MAPRE2: variants seen among roughly 807,000 people sequenced by gnomAD.
The protein encoded by MAPRE2 is microtubule associated protein RP/EB family member 2, also known as microtubule-associated protein RP/EB family member 2.
A neutral mutation model predicts 43.2 loss-of-function variants in MAPRE2; 13 were observed. The ratio of observed to expected loss-of-function variants is 0.30; its 90% CI spans 0.20 to 0.48. MAPRE2 has a LOEUF of 0.48. Ranked by LOEUF, MAPRE2 falls within the 20% of genes least tolerant of loss-of-function variation. The probability of loss-of-function intolerance (pLI) is 0.99; values close to 1 mark genes in which losing one functional copy is unlikely to be tolerated. For synonymous variants in MAPRE2, 135 were observed against 148.8 expected (o/e 0.91, Z 0.68); for missense variants, 161 against 400.2 (o/e 0.40, Z 5.10).
Position 35,005,435 on chromosome 18 carries a change from T to G in MAPRE2, c.-69-57T>G, listed in dbSNP as rs1391243719. On this transcript the variant is annotated intron_variant, in intron 1 of 7. Coordinates refer to the MAPRE2 transcript ENST00000413393. ...ACTAAATTATAACTCTTTGCTTCCATATTTTCATCATATTAAATGCTTGCA... is the reference window on the plus strand; with the variant it reads ...ACTAAATTATAACTCTTTGCTTCCAGATTTTCATCATATTAAATGCTTGCA... 6 of 1,100,506 alleles carry G rather than the reference T, an allele frequency of 5.5e-6. No individual in the cohort carries two copies. In the East Asian group the frequency reaches 1.6e-4, roughly 29 times the overall value. 68.2% of individuals were successfully genotyped at this position (1,100,506 alleles called of 1,614,324 possible). A position where few individuals can be genotyped will look rare whatever the true frequency, so the allele number is the denominator to read the frequency against.
intron 2 of MAPRE2, among the ~76,000 whole-genome samples, chr18:35,096,392 TA>T (rs1908417104): frequency 6.6e-6 from 1 of 152,240 alleles, no homozygotes; most frequent in Non-Finnish European, 1.5e-5. Context: ...GCTTCCAGCT[TA>T]TTTTCCTAAA....
intron 1 of MAPRE2, among the ~76,000 whole-genome samples, chr18:35,001,154 T>G (rs2097029117): frequency 6.6e-6 from 1 of 152,188 alleles, no homozygotes; most frequent in African/African-American, 2.4e-5. Flanking sequence ...TGTGGACATT[T>G]TATAAGATTT....
chr18:34,985,284 T>TATATAATATATTATATAATATATTATATA (rs1568961454), intron 1 of MAPRE2, among the ~76,000 whole-genome samples: 3 of 32,494 alleles, frequency 9.2e-5, no homozygotes, highest in African/African-American at 4.7e-4. Context: ...TATAATATAT[T>TATATAATATATTATATAATATATTATATA]ATATATTATA....
chr18:35,058,492 G>A (rs562583213), intron 1 of MAPRE2, among the ~76,000 whole-genome samples: 2 of 152,098 alleles, frequency 1.3e-5, no homozygotes, highest in East Asian at 3.9e-4. Flanking sequence ...AAAATTATAA[G>A]CAGTATAATG....
chr18:35,014,817 T>A (rs2097037132), intron 2 of MAPRE2, among the ~76,000 whole-genome samples: 1 of 151,766 alleles, frequency 6.6e-6, no homozygotes, highest in African/African-American at 2.4e-5. Flanking sequence ...GGACAAGCAC[T>A]GTGTTGCATA....
chr18:35,051,368 T>C (rs1905926762), intron 1 of MAPRE2, among the ~76,000 whole-genome samples: 1 of 152,174 alleles, frequency 6.6e-6, no homozygotes, highest in South Asian at 2.1e-4. Context: ...AAGTTTGAGT[T>C]TGGGAAGCCA....
chr18:34,980,516 T>G (rs574169095), intron 1 of MAPRE2, among the ~76,000 whole-genome samples: 3 of 152,298 alleles, frequency 2.0e-5, no homozygotes, highest in African/African-American at 7.2e-5. Context: ...TTGATACTGC[T>G]TGTTCGTACT....
chr18:35,081,693 T>C (rs545093443), intron 2 of MAPRE2, among the ~76,000 whole-genome samples: 15 of 152,106 alleles, frequency 9.9e-5, no homozygotes, highest in Non-Finnish European at 1.9e-4. Flanking sequence ...TGGGGAAGAA[T>C]CCTGGAGCTT....
chr18:35,030,943 ATTC>A (rs1409466637), intron 2 of MAPRE2, among the ~76,000 whole-genome samples: 2 of 152,152 alleles, frequency 1.3e-5, no homozygotes, highest in Non-Finnish European at 2.9e-5. Flanking sequence ...TACCTGAAAT[ATTC>A]TTCTGATATC....
At chr18:34,981,850 CA>C (rs2097016352) in intron 1 of MAPRE2, among the ~76,000 whole-genome samples, 1 of 151,046 alleles carries the variant, frequency 6.6e-6, no homozygotes, top group East Asian at 1.9e-4. Context: ...ATCATTGTCT[CA>C]GCGACTTTAT....
intron 4 of MAPRE2, among the ~76,000 whole-genome samples, chr18:35,124,155 T>C (rs1404482599): frequency 6.6e-6 from 1 of 152,154 alleles, no homozygotes. Context: ...GACTCACAGT[T>C]TCTCAGGGCT....
chr18:35,103,380 A>G (rs1908765790), intron 4 of MAPRE2, among the ~76,000 whole-genome samples: 4 of 152,146 alleles, frequency 2.6e-5, no homozygotes, highest in Admixed American at 2.6e-4. Flanking sequence ...CTTCTTGTAC[A>G]ACTGGAAGGA....
intron 2 of MAPRE2, among the ~76,000 whole-genome samples, chr18:35,093,429 G>A (rs1206600927): frequency 2.0e-5 from 3 of 152,028 alleles, no homozygotes; most frequent in African/African-American, 4.8e-5. Flanking sequence ...TATAGCCAAA[G>A]GAAATTAAAT....
intron 1 of MAPRE2, among the ~76,000 whole-genome samples, chr18:35,055,328 C>T (rs1034080209): frequency 2.0e-5 from 3 of 152,150 alleles, no homozygotes; most frequent in Non-Finnish European, 2.9e-5. Flanking sequence ...AGCTTCATCA[C>T]GCCCATCTCT....
intron 1 of MAPRE2, among the ~76,000 whole-genome samples, chr18:34,994,689 C>T (rs535067604): frequency 6.6e-6 from 1 of 152,086 alleles, no homozygotes; most frequent in South Asian, 2.1e-4. Flanking sequence ...TTTTCAAATT[C>T]AATAATAATA....
At chr18:35,030,665 C>T (rs1321389879) in intron 2 of MAPRE2, among the ~76,000 whole-genome samples, 1 of 152,214 alleles carries the variant, frequency 6.6e-6, no homozygotes, top group East Asian at 1.9e-4. Context: ...GAATATTCCA[C>T]ATCTCTGTTG....
At position 35,041,596 on chromosome 18, in the gene MAPRE2, C is replaced by T. The variant is rs1344890520; in HGVS notation, c.57C>T (p.Ile19=). 13 of 1,614,228 alleles carry T rather than the reference C, an allele frequency of 8.1e-6. No individual in the cohort carries two copies. The highest frequency in any genetic ancestry group is 1.1e-5 in the Non-Finnish European group (13 of 1,180,052). ...ATGGCGAGAACAACAACGACATCAT[C>T]CAGGATAATAACGGGACCATCATTC... ...SPNGENNNDI[I]QDNNGTIIPF... Residue 19 remains isoleucine (I), a synonymous_variant, in exon 1 of 7, where the codon ATC becomes ATT. Transcript: ENST00000300249.
At chr18:35,040,153 A>T (rs1356606891), upstream of MAPRE2, among the ~76,000 whole-genome samples, 1 of 152,194 alleles carries the variant, frequency 6.6e-6, no homozygotes, top group Non-Finnish European at 1.5e-5. Context: ...CAGTGAGCTG[A>T]GATTGCGCCA....
intron 2 of MAPRE2, among the ~76,000 whole-genome samples, chr18:35,035,492 C>A (rs1201828830): frequency 6.6e-6 from 1 of 151,730 alleles, no homozygotes; most frequent in African/African-American, 2.4e-5. Context: ...TGCACATGTA[C>A]CCTAAAACTT....
Sources: allele counts gnomAD v4.1 joint callset (sites outside exome capture counted in the v4.1 genomes callset), GRCh38; gene constraint gnomAD v4.1.1; transcripts MANE v1.5; gene names NCBI Gene and HGNC (gene_info 2026-07-23, HGNC 2026-07-21).